FSTL5: variants seen among roughly 807,000 people sequenced by gnomAD.
FSTL5 encodes the protein follistatin-related protein 5.
Under a neutral mutation model 89.1 loss-of-function variants are expected in FSTL5, and 62 were observed. That is an observed-to-expected ratio of 0.70 (90% confidence interval 0.57 to 0.86). The LOEUF (loss-of-function observed/expected upper bound fraction) is 0.86. FSTL5 is among the 40% of genes least tolerant of loss of function. The pLI is 0.00. For synonymous variants in FSTL5, 383 were observed against 346.2 expected, an observed-to-expected ratio of 1.11 and a Z score of -1.18; for missense variants, 1,057 against 1,001.6, an observed-to-expected ratio of 1.06 and a Z score of -0.75.
intron 4 of FSTL5, among the ~76,000 whole-genome samples, chr4:161,799,055 C>T (rs917930363): frequency 6.6e-6 from 1 of 151,520 alleles, no homozygotes; most frequent in Non-Finnish European, 1.5e-5. Flanking sequence ...TCACAGTTAC[C>T]GAAAAGCAAG....
chr4:161,812,776 C>T (rs2014158), intron 4 of FSTL5, among the ~76,000 whole-genome samples: 64,786 of 146,828 alleles, frequency 0.44, 14,045 homozygotes, highest in South Asian at 0.45. Flanking sequence ...TTCCTTATGC[C>T]GCCCATTCTG....
At chr4:161,932,874 G>A (rs947933428) in intron 3 of FSTL5, among the ~76,000 whole-genome samples, 2 of 151,856 alleles carry the variant, frequency 1.3e-5, no homozygotes, top group Admixed American at 6.6e-5. Flanking sequence ...GAAATTCCTA[G>A]GCTTCTAAAT....
intron 15 of FSTL5, among the ~76,000 whole-genome samples, chr4:161,408,558 A>G (rs546559052): frequency 6.6e-6 from 1 of 152,318 alleles, no homozygotes; most frequent in South Asian, 2.1e-4. Flanking sequence ...CTCCCTAGCA[A>G]TAATTCTGAA....
At chr4:161,725,127 C>T (rs111538255) in intron 6 of FSTL5, among the ~76,000 whole-genome samples, 3,561 of 152,148 alleles carry the variant, frequency 0.023, 102 homozygotes, top group South Asian at 0.07. Context: ...ACCGGGGAGG[C>T]AGAGGTTGCA....
At chr4:161,480,658 A>G (rs899293387) in intron 13 of FSTL5, among the ~76,000 whole-genome samples, 19 of 152,184 alleles carry the variant, frequency 1.2e-4, no homozygotes, top group African/African-American at 4.1e-4. Flanking sequence ...GGAGACCTCA[A>G]TTCCGGTTCT....
At chr4:161,497,645 T>C (rs1266392562) in intron 12 of FSTL5, among the ~76,000 whole-genome samples, 2 of 152,080 alleles carry the variant, frequency 1.3e-5, no homozygotes, top group Non-Finnish European at 2.9e-5. Context: ...GCAAACTTTC[T>C]ATCCTTGCAT....
At chr4:161,744,923 C>T (rs1252188069) in intron 6 of FSTL5, among the ~76,000 whole-genome samples, 6 of 151,630 alleles carry the variant, frequency 4.0e-5, no homozygotes, top group African/African-American at 1.2e-4. Context: ...TGGTAAAAGG[C>T]CATGTAATAC....
chr4:161,816,141 T>C (rs745614275), intron 4 of FSTL5, among the ~76,000 whole-genome samples: 3 of 152,156 alleles, frequency 2.0e-5, no homozygotes, highest in Non-Finnish European at 2.9e-5. Flanking sequence ...CAGGGTGGGC[T>C]CTGACTCTGG....
chr4:161,666,374 A>G (rs1448270649), intron 6 of FSTL5, among the ~76,000 whole-genome samples: 1 of 152,196 alleles, frequency 6.6e-6, no homozygotes, highest in Non-Finnish European at 1.5e-5. Flanking sequence ...TGAATTTAAA[A>G]GTCTAATGAG....
chr4:161,933,254 C>T (rs1325412862), intron 3 of FSTL5, among the ~76,000 whole-genome samples: 1 of 152,066 alleles, frequency 6.6e-6, no homozygotes, highest in African/African-American at 2.4e-5. Flanking sequence ...ACAGCACAGC[C>T]ACAGGATCCC....
intron 15 of FSTL5, among the ~76,000 whole-genome samples, chr4:161,435,203 G>T (rs950657350): frequency 6.6e-6 from 1 of 152,000 alleles, no homozygotes; most frequent in African/African-American, 2.4e-5. Flanking sequence ...AATGGATAAA[G>T]AAAATGTACA....
chr4:161,850,688 T>C (rs915664499), intron 4 of FSTL5, among the ~76,000 whole-genome samples: 2 of 152,142 alleles, frequency 1.3e-5, no homozygotes, highest in African/African-American at 4.8e-5. Context: ...TTTCTCTCCA[T>C]TAACCTGCAG....
At chr4:161,489,277 T>C (rs994843714) in intron 12 of FSTL5, among the ~76,000 whole-genome samples, 3 of 152,046 alleles carry the variant, frequency 2.0e-5, no homozygotes, top group Non-Finnish European at 2.9e-5. Flanking sequence ...CAGGGGCCAT[T>C]AGACACTGAG....
At chr4:162,040,456 A>C (rs1428461984) in intron 2 of FSTL5, among the ~76,000 whole-genome samples, 1 of 152,036 alleles carries the variant, frequency 6.6e-6, no homozygotes, top group Non-Finnish European at 1.5e-5. Context: ...ACACACATAT[A>C]GGTTCACACA....
intron 8 of FSTL5, among the ~76,000 whole-genome samples, chr4:161,567,300 A>G (rs989115444): frequency 6.6e-6 from 1 of 152,110 alleles, no homozygotes; most frequent in African/African-American, 2.4e-5. Flanking sequence ...TTATTTTTAA[A>G]ACATATGGAT....
intron 6 of FSTL5, among the ~76,000 whole-genome samples, chr4:161,664,653 T>C (rs918813143): frequency 6.6e-6 from 1 of 152,168 alleles, no homozygotes; most frequent in Non-Finnish European, 1.5e-5. Flanking sequence ...CAAACTGTTC[T>C]AAACTCTGCC....
At chr4:161,490,297 G>A (rs1468132564) in intron 12 of FSTL5, among the ~76,000 whole-genome samples, 1 of 152,036 alleles carries the variant, frequency 6.6e-6, no homozygotes, top group African/African-American at 2.4e-5. Flanking sequence ...TCTCCTTTTA[G>A]TAATGACACA....
chr4:161,525,990 T>C (rs1271988425), intron 10 of FSTL5, among the ~76,000 whole-genome samples: 1 of 152,178 alleles, frequency 6.6e-6, no homozygotes, highest in African/African-American at 2.4e-5. Flanking sequence ...CTTAAACCTA[T>C]AGGCTAGTTT....
intron 7 of FSTL5, among the ~76,000 whole-genome samples, chr4:161,645,205 T>G (rs931936287): frequency 1.3e-5 from 2 of 152,074 alleles, no homozygotes; most frequent in African/African-American, 4.8e-5. Flanking sequence ...CTTTATACAT[T>G]TAAAAATAAA....
Sources: allele counts gnomAD v4.1 joint callset (sites outside exome capture counted in the v4.1 genomes callset), GRCh38; gene constraint gnomAD v4.1.1; transcripts MANE v1.5; gene names NCBI Gene and HGNC (gene_info 2026-07-23, HGNC 2026-07-21).